Variants in SART3 observed in about 807,000 individuals in gnomAD.
SART3 encodes the protein spliceosome associated factor 3, U4/U6 recycling protein.
In SART3, 44 loss-of-function variants were observed where a neutral mutation model predicts 122.3. The ratio of observed to expected loss-of-function variants is 0.36; its 90% CI spans 0.28 to 0.46. The LOEUF is 0.46. SART3 is among the 20% of genes least tolerant of loss of function. The pLI, the probability that SART3 is intolerant of heterozygous loss-of-function variation, is 1.00. For missense variants in SART3, 1,101 were observed against 1,229.0 expected, an observed-to-expected ratio of 0.90 and a Z score of 1.56; for synonymous variants, 442 against 454.0, an observed-to-expected ratio of 0.97 and a Z score of 0.34.
At position 108,526,538 on chromosome 12, in the gene SART3, C is replaced by T; in HGVS notation, c.1931G>A (p.Arg644His). 3.7e-6 allele frequency: 6 copies of T among 1,613,908 alleles called. No individual in the cohort carries two copies. The highest frequency in any genetic ancestry group is 1.1e-5 in the South Asian group (1 of 91,072). The change falls in exon 16 of 19, where the codon CGC becomes CAC. Residue 644 changes from arginine to histidine, a missense_variant. Transcript: ENST00000546815. ...GDDEEEQPSKRRRVENSIPAA... is the reference protein window; with the variant it reads ...GDDEEEQPSKHRRVENSIPAA... The stretch of plus-strand genomic sequence containing the variant: ...AGGGATGCTGTTCTCGACCCTTCTG[C>T]GTTTGGAAGGCTGCTCTACAGGTTT...
At chr12:108,560,239 A>C (rs1367476519) in intron 1 of SART3, 2 of 153,200 alleles carry the variant, frequency 1.3e-5, no homozygotes, top group African/African-American at 4.8e-5. Flanking sequence ...CAATTATATT[A>C]TGCAGAAATT....
chr12:108,523,301 T>TAGAACCCCTTCCC lies in SART3; in HGVS notation c.*143_*155dup. On this transcript the variant is annotated 3_prime_UTR_variant, in exon 19 of 19. Coordinates refer to ENST00000546815, the MANE Select transcript of SART3 (RefSeq NM_014706.4). The stretch of plus-strand genomic sequence containing the variant: ...AGGGAGCACTGAAAGGCTCTTGACT[T>TAGAACCCCTTCCC]AGAACCCCTTCCCCTTTCTGTCTAA... 1 of 802,472 alleles carries TAGAACCCCTTCCC rather than the reference T, an allele frequency of 1.2e-6. No individual in the cohort carries two copies. Among genetic ancestry groups the TAGAACCCCTTCCC allele is most frequent in the Non-Finnish European group, 2.1e-6 (1 of 466,592 alleles). The allele number at this position is 802,472 out of a possible 1,614,324, so 49.7% of individuals were successfully genotyped here. A position where few individuals can be genotyped will look rare whatever the true frequency, so the allele number is the denominator to read the frequency against.
intron 16 of SART3, 55 bp downstream of exon 16, chr12:108,526,044 G>C: frequency 7.4e-7 from 1 of 1,359,806 alleles, no homozygotes; most frequent in South Asian, 1.2e-5. Flanking sequence ...CAGGAAGAAA[G>C]TGCCTGTCTA....
intron 1 of SART3, among the ~76,000 whole-genome samples, chr12:108,555,465 G>C (rs1017014741): frequency 6.6e-6 from 1 of 152,184 alleles, no homozygotes; most frequent in South Asian, 2.1e-4. Flanking sequence ...AGGAATTCAA[G>C]ACCAGCCTGG....
intron 12 of SART3, among the ~76,000 whole-genome samples, chr12:108,534,412 G>A (rs756418773): frequency 8.6e-5 from 13 of 151,954 alleles, no homozygotes; most frequent in Non-Finnish European, 1.9e-4. Context: ...AGCCGGATAT[G>A]GTGGCTCATG....
intron 1 of SART3, 129 bp downstream of exon 1, chr12:108,560,714 C>T: frequency 1.4e-6 from 1 of 730,394 alleles, no homozygotes; most frequent in Non-Finnish European, 2.2e-6. Context: ...ACAGGAGCTA[C>T]TGTCACGAAA....
At chr12:108,540,817 C>T (rs1274289735) in intron 6 of SART3, among the ~76,000 whole-genome samples, 1 of 152,148 alleles carries the variant, frequency 6.6e-6, no homozygotes. Flanking sequence ...TAATCTATGA[C>T]AGATGTGGCA....
Position 108,561,107 on chromosome 12 carries a change from G to A in SART3, c.48C>T (p.Ser16=). 5.6e-6 allele frequency: 9 copies of A among 1,613,906 alleles called. No homozygotes were observed. The South Asian group carries it at 9.9e-5, about 18-fold the overall frequency. ...ETSASEPEAE[S]KAGPKADGEE... is the part of the protein sequence containing the mutation. ...CTCCGTCAGCCTTGGGCCCAGCCTT[G>A]GACTCAGCCTCGGGTTCTGAAGCCG... is the stretch of plus-strand genomic sequence containing the variant. Residue 16 remains serine, a synonymous_variant, in exon 1 of 19, where the codon TCC becomes TCT. Coordinates refer to ENST00000546815, the MANE Select transcript of SART3 (RefSeq NM_014706.4).
intron 16 of SART3, 58 bp downstream of exon 16, chr12:108,526,041 A>C (rs1293836964): frequency 7.2e-5 from 95 of 1,328,532 alleles, no homozygotes; most frequent in Non-Finnish European, 9.6e-5. Context: ...CTGCAGGAAG[A>C]AAGTGCCTGT....
At chr12:108,530,118 C>A (rs1872598054) in intron 15 of SART3, 24 bp downstream of exon 15, 1 of 1,613,854 alleles carries the variant, frequency 6.2e-7, no homozygotes, top group African/African-American at 1.3e-5. Context: ...CGTTTCAAAA[C>A]ACAATTTCTC....
At chr12:108,554,570 C>A (rs2030140063) in intron 1 of SART3, among the ~76,000 whole-genome samples, 1 of 151,450 alleles carries the variant, frequency 6.6e-6, no homozygotes, top group South Asian at 2.1e-4. Flanking sequence ...TAAGAATTAG[C>A]AAACTAGGAA....
rs1549096 is a variant in SART3, at chr12:108,530,173, A to G, written c.1884T>C (p.Asp628=). 1,340,976 of 1,613,928 alleles carry G rather than the reference A, an allele frequency of 0.83. 558,957 individuals carry two copies. Among genetic ancestry groups the G allele is most frequent in the East Asian group, 0.93 (41,639 of 44,880 alleles). Residue 628 remains aspartate, a synonymous_variant, in exon 15 of 19, where the codon GAT becomes GAC. Coordinates refer to ENST00000546815, the MANE Select transcript of SART3 (RefSeq NM_014706.4). The part of the protein sequence containing the change: ...RGPEKRGADE[D]DEKEWGDDEE... ...CATCATCGCCCCACTCTTTCTCATC[A>G]TCCTCATCTGCTCCGCGCTTCTCTG...
In SART3 at chr12:108,553,196, A is replaced by C. The variant is rs138927415; in HGVS notation, c.313-3982T>G. Reference sequence around the variant, plus strand: ...AAATAACTCAAAATGGATCACACTTAAATGTGAAATGTAAATATAACATCA... The same window carrying C: ...AAATAACTCAAAATGGATCACACTTCAATGTGAAATGTAAATATAACATCA... On this transcript the variant is annotated intron_variant, in intron 1 of 18. Transcript: ENST00000546815. 1.6e-4 allele frequency among the ~76,000 whole-genome samples: 24 copies of C among 152,346 alleles called. No individual in the cohort carries two copies. The East Asian group carries it at 4.6e-3, about 29-fold the overall frequency.
chr12:108,530,144 T>C lies in SART3; in HGVS notation c.1913A>G (p.Glu638Gly), dbSNP rs1872599361. Residue 638 changes from glutamate (E) to glycine (G), a missense_variant and splice_region_variant, in exon 15 of 19, where the codon GAA becomes GGA. Around this residue, in one of 2 missense-constraint regions of SART3, gnomAD observed 885 missense variants for 1,080.1 expected, o/e 0.82. Transcript: ENST00000546815. ...ACAATTTCTCAAGAGCTCCTTACCT[T>C]CTTCATCATCGCCCCACTCTTTCTC... ...DDEKEWGDDEEEQPSKRRRVE... is the reference protein window; with the variant it reads ...DDEKEWGDDEGEQPSKRRRVE... The C allele has an allele frequency of 6.2e-7, 1 of 1,614,094 alleles. No individual in the cohort carries two copies. Among genetic ancestry groups the C allele is most frequent in the South Asian group, 1.1e-5 (1 of 91,080 alleles).
In SART3 at chr12:108,523,366, C is replaced by G; in HGVS notation, c.*91G>C. ...CTGTGGTTGCGAGCACGCAGCACAC[C>G]AGGCCTGTCCATCCCCAGTGCACTG... is the stretch of plus-strand genomic sequence containing the variant. On this transcript the variant is annotated 3_prime_UTR_variant, in exon 19 of 19. Coordinates refer to ENST00000546815, the MANE Select transcript of SART3 (RefSeq NM_014706.4). 3 of 1,362,906 alleles carry G rather than the reference C, an allele frequency of 2.2e-6. No individual in the cohort carries two copies. The highest frequency in any genetic ancestry group is 3.1e-6 in the Non-Finnish European group (3 of 953,366). 84.4% of individuals were successfully genotyped at this position (1,362,906 alleles called of 1,614,324 possible).
Position 108,545,136 on chromosome 12 carries a change from C to A in SART3, c.729+3G>T. 1.9e-6 allele frequency: 3 copies of A among 1,614,036 alleles called. No individual in the cohort carries two copies. The highest frequency in any genetic ancestry group is 2.5e-6 in the Non-Finnish European group (3 of 1,179,978). On this transcript the variant is annotated splice_donor_region_variant and intron_variant, in intron 4 of 18. Transcript: ENST00000546815. ...CCGTTCAGAGACAACCACAGGTACT[C>A]ACCCGAGCAGCTTCCACAATCGCAC...
At chr12:108,541,434 A>T (rs551826266) in intron 6 of SART3, among the ~76,000 whole-genome samples, 71 of 152,196 alleles carry the variant, frequency 4.7e-4, no homozygotes, top group African/African-American at 1.7e-3. Context: ...AAGACAAACA[A>T]CTGGGGAGAA....
At position 108,541,642 on chromosome 12, in the gene SART3, G is replaced by A. The variant is rs572951578; in HGVS notation, c.906+1386C>T. On this transcript the variant is annotated intron_variant, in intron 6 of 18. Transcript: ENST00000546815. ...CAACCTCCACCTCCCGGCTTCAAGC[G>A]ATTCCCCTGCCTCAGCCTCCCAAAC... Among the ~76,000 whole-genome samples, 26 of 151,956 alleles carry A rather than the reference G, an allele frequency of 1.7e-4. 2 individuals carry two copies. In the South Asian group the frequency reaches 4.2e-3, roughly 24 times the overall value.
intron 6 of SART3, among the ~76,000 whole-genome samples, chr12:108,541,029 A>G (rs1280660011): frequency 6.6e-6 from 1 of 152,232 alleles, no homozygotes; most frequent in Non-Finnish European, 1.5e-5. Context: ...TTAAATAAGC[A>G]CAACAAAAGC....
Sources: allele counts gnomAD v4.1 joint callset (sites outside exome capture counted in the v4.1 genomes callset), GRCh38; gene constraint gnomAD v4.1.1; regional missense constraint gnomAD v4.1.1; transcripts MANE v1.5; gene names NCBI Gene and HGNC (gene_info 2026-07-23, HGNC 2026-07-21).